Variants in AGO4 observed in about 807,000 individuals in gnomAD.
AGO4 encodes argonaute RISC component 4.
Under a neutral mutation model 104.7 loss-of-function variants are expected in AGO4, and 33 were observed. The ratio of observed to expected loss-of-function variants is 0.32; its 90% CI spans 0.24 to 0.42. AGO4 has a LOEUF of 0.42. Ranked by LOEUF, AGO4 falls within the 10% of genes least tolerant of loss-of-function variation. The pLI is 1.00. For synonymous variants in AGO4, 331 were observed against 364.7 expected (o/e 0.91, Z 1.05); for missense variants, 711 against 1,083.4 (o/e 0.66, Z 4.83).
chr1:35,842,764 T>C (rs1201900719), intron 15 of AGO4, among the ~76,000 whole-genome samples: 1 of 151,956 alleles, frequency 6.6e-6, no homozygotes, highest in Non-Finnish European at 1.5e-5. Context: ...ATCATACCAC[T>C]GCACTCCAGC....
At position 35,808,547 on chromosome 1, in the gene AGO4, G is replaced by A; in HGVS notation, c.19+112G>A. ...CGGGTTCGGGCCGCCAGGCCTCGGG[G>A]AAGGGGACCCGAGCCCCGCAGCACG... On this transcript the variant is annotated intron_variant, in intron 1 of 17. Transcript: ENST00000373210. This position sits in a 1 kb window ranked among gnomAD's most constrained non-coding sequence, Gnocchi z 5.2. 2.0e-6 allele frequency: 2 copies of A among 989,326 alleles called. No homozygotes were observed. Among genetic ancestry groups the A allele is most frequent in the Non-Finnish European group, 2.5e-6 (2 of 796,628 alleles). 61.3% of individuals were successfully genotyped at this position (989,326 alleles called of 1,614,324 possible).
In AGO4 at chr1:35,853,693, T is replaced by TCAACG; in HGVS notation, c.*88_*89insCAACG. 1 of 1,109,158 alleles carries TCAACG rather than the reference T, an allele frequency of 9.0e-7. No homozygotes were observed. The highest frequency in any genetic ancestry group is 1.3e-6 in the Non-Finnish European group (1 of 749,232). 68.7% of individuals were successfully genotyped at this position (1,109,158 alleles called of 1,614,324 possible). A position where few individuals can be genotyped will look rare whatever the true frequency, so the allele number is the denominator to read the frequency against. On this transcript the variant is annotated 3_prime_UTR_variant, in exon 18 of 18. Coordinates refer to ENST00000373210, the MANE Select transcript of AGO4 (RefSeq NM_017629.4). ...CCTACCGCCTCTAGATCGAGCCACG[T>TCAACG]TGACTTCAGGTGGTCTTCTACCAGC...
Position 35,817,144 on chromosome 1 carries a change from GTTA to G in AGO4, c.185+100_185+102del. On this transcript the variant is annotated intron_variant, in intron 2 of 17. Coordinates refer to ENST00000373210, the MANE Select transcript of AGO4 (RefSeq NM_017629.4). ...TAAATTCATCCAACATGTAGGCTTTGTTATTCTCTAAGATGATAGGTTTCTTAA... is the reference window on the plus strand; with the variant it reads ...TAAATTCATCCAACATGTAGGCTTTGTTCTCTAAGATGATAGGTTTCTTAA... 3 of 1,271,674 alleles carry G rather than the reference GTTA, an allele frequency of 2.4e-6. No homozygotes were observed. The South Asian group carries it at 5.2e-5, about 22-fold the overall frequency. The allele number at this position is 1,271,674 out of a possible 1,614,324, so 78.8% of individuals were successfully genotyped here.
chr1:35,816,811 A>AG lies in AGO4; in HGVS notation c.20-71_20-70insG, dbSNP rs1159773235. On this transcript the variant is annotated intron_variant, in intron 1 of 17. Coordinates refer to ENST00000373210, the MANE Select transcript of AGO4 (RefSeq NM_017629.4). ...GAAACTCTGTCTCAAAAAAAAAAAA[A>AG]AAAAAAAAAAGAAAGAAAGAAAGAA... is the stretch of plus-strand genomic sequence containing the variant. The AG allele has an allele frequency of 8.5e-6, 11 of 1,293,840 alleles. No homozygotes were observed. In the African/African-American group the frequency reaches 1.9e-4, roughly 22 times the overall value. The allele number at this position is 1,293,840 out of a possible 1,614,324, so 80.1% of individuals were successfully genotyped here. A position where few individuals can be genotyped will look rare whatever the true frequency, so the allele number is the denominator to read the frequency against.
chr1:35,852,318 GATA>G (rs1392791277), intron 17 of AGO4, among the ~76,000 whole-genome samples: 4 of 152,180 alleles, frequency 2.6e-5, no homozygotes, highest in Non-Finnish European at 5.9e-5. Context: ...AGATGATAAG[GATA>G]ATAATCACTT....
At chr1:35,824,571 G>T (rs1186228283) in intron 3 of AGO4, among the ~76,000 whole-genome samples, 1 of 149,002 alleles carries the variant, frequency 6.7e-6, no homozygotes, top group South Asian at 2.1e-4. Flanking sequence ...GATCGAGGTG[G>T]GAGAATTGCT....
chr1:35,851,298 T>C (rs1422015976), intron 17 of AGO4: 3 of 513,890 alleles, frequency 5.8e-6, no homozygotes, highest in African/African-American at 5.7e-5. Context: ...GGTTCTCCCA[T>C]GGAGCCAAAT....
At position 35,841,985 on chromosome 1, in the gene AGO4, C is replaced by T. The variant is rs1017620285; in HGVS notation, c.2175+235C>T. 7.3e-5 allele frequency among the ~76,000 whole-genome samples: 11 copies of T among 151,708 alleles called. No homozygotes were observed. Among genetic ancestry groups the T allele is most frequent in the African/African-American group, 2.4e-4 (10 of 41,254 alleles). ...TTGTATAACAGAAATGCTGATTTCTCGAGTTGTTTTTGTGTCGGGGGGAGT... is the reference window on the plus strand; with the variant it reads ...TTGTATAACAGAAATGCTGATTTCTTGAGTTGTTTTTGTGTCGGGGGGAGT... On this transcript the variant is annotated intron_variant, in intron 15 of 17. Transcript: ENST00000373210. The surrounding 1 kb of genome is among the most constrained non-coding windows in gnomAD (Gnocchi z 4.7).
At chr1:35,843,010 A>G (rs1274516410) in intron 15 of AGO4, among the ~76,000 whole-genome samples, 1 of 152,030 alleles carries the variant, frequency 6.6e-6, no homozygotes, top group African/African-American at 2.4e-5. Flanking sequence ...TGCCACTCCC[A>G]TTATTTTCAA....
chr1:35,848,342 C>T (rs771340212), intron 15 of AGO4, among the ~76,000 whole-genome samples: 1 of 152,156 alleles, frequency 6.6e-6, no homozygotes, highest in Non-Finnish European at 1.5e-5. Context: ...CCCAACTTCC[C>T]TTTTCAGCTC....
chr1:35,849,847 T>C (rs1347006871), intron 15 of AGO4, among the ~76,000 whole-genome samples: 1 of 152,204 alleles, frequency 6.6e-6, no homozygotes, highest in Non-Finnish European at 1.5e-5. Flanking sequence ...AAATGTTTTT[T>C]CCCTTTGTGA....
rs72065876 is a variant in AGO4, at chr1:35,816,798, CAAAAAAAAAAAA to C, written c.20-72_20-61del. 1.9e-4 allele frequency: 199 copies of C among 1,040,324 alleles called. No individual in the cohort carries two copies. In the East Asian group the frequency reaches 2.8e-3, roughly 15 times the overall value. The allele number at this position is 1,040,324 out of a possible 1,614,324, so 64.4% of individuals were successfully genotyped here. On this transcript the variant is annotated intron_variant, in intron 1 of 17. Transcript: ENST00000373210. ...TGGGTGAAAGAGCGAAACTCTGTCT[CAAAAAAAAAAAA>C]AAAAAAAAAAAGAAAGAAAGAAAGA...
rs1489340520 is a variant in AGO4 at position 35,841,217 on chromosome 1, C to T, written c.1777C>T (p.Pro593Ser). 1.2e-6 allele frequency: 2 copies of T among 1,613,702 alleles called. No homozygotes were observed. The highest frequency in any genetic ancestry group is 2.7e-5 in the African/African-American group (2 of 75,042). ...CTTCCTGGGAGCGGATGTCACACAC[C>T]CCCCAGCAGGGGATGGGAAGAAACC... ...VIFLGADVTHPPAGDGKKPSI... is the reference protein window; with the variant it reads ...VIFLGADVTHSPAGDGKKPSI... The change falls in exon 14 of 18, where the codon CCC (proline) becomes TCC (serine). Residue 593 changes from proline (P) to serine (S), a missense_variant. By Grantham distance (74) the Pro-to-Ser change is moderately conservative. This residue lies in a region of AGO4 where 401 missense variants were observed against 665.5 expected (regional missense o/e 0.60). Coordinates refer to ENST00000373210, the MANE Select transcript of AGO4 (RefSeq NM_017629.4). The surrounding 1 kb of genome is among the most constrained non-coding windows in gnomAD (Gnocchi z 4.7).
intron 15 of AGO4, among the ~76,000 whole-genome samples, chr1:35,847,031 G>A (rs1644587886): frequency 6.7e-6 from 1 of 150,260 alleles, no homozygotes; most frequent in African/African-American, 2.5e-5. Flanking sequence ...AACAAAAATG[G>A]TATAGTAATT....
chr1:35,815,624 T>C (rs950288371), intron 1 of AGO4, among the ~76,000 whole-genome samples: 2 of 152,238 alleles, frequency 1.3e-5, no homozygotes, highest in African/African-American at 2.4e-5. Flanking sequence ...ATAGAATCTT[T>C]TCTTTTTTGA....
intron 16 of AGO4, 54 bp from the exon 17 acceptor site, chr1:35,850,797 AAAC>A: frequency 7.4e-5 from 80 of 1,074,154 alleles, no homozygotes; most frequent in South Asian, 3.8e-4. Flanking sequence ...AAAAAAAAAA[AAAC>A]AAAAACAAAA....
chr1:35,826,111 C>T (rs761168372), intron 6 of AGO4, 51 bp downstream of exon 6: 31 of 1,600,892 alleles, frequency 1.9e-5, no homozygotes, highest in African/African-American at 6.7e-5. Context: ...GCATGCTGCA[C>T]GTTGCCTGTG....
intron 11 of AGO4, among the ~76,000 whole-genome samples, chr1:35,833,658 AG>A (rs1644238011): frequency 6.6e-6 from 1 of 152,168 alleles, no homozygotes; most frequent in South Asian, 2.1e-4. Flanking sequence ...GCTTTTCTTC[AG>A]TCCAGAATTA....
At chr1:35,832,299 G>A (rs1326920685) in intron 10 of AGO4, 114 bp downstream of exon 10, 1 of 1,530,754 alleles carries the variant, frequency 6.5e-7, no homozygotes, top group Non-Finnish European at 8.7e-7. Context: ...GTTCATTATT[G>A]CCTTTTGTGT....
Sources: allele counts gnomAD v4.1 joint callset (sites outside exome capture counted in the v4.1 genomes callset), GRCh38; gene constraint gnomAD v4.1.1; regional missense constraint gnomAD v4.1.1; non-coding constraint Gnocchi (gnomAD v3.1); transcripts MANE v1.5; gene names NCBI Gene and HGNC (gene_info 2026-07-23, HGNC 2026-07-21).